COL22A1: variants seen among roughly 807,000 people sequenced by gnomAD.
COL22A1 encodes collagen alpha-1(XXII) chain.
In COL22A1, 221 loss-of-function variants were observed where a neutral mutation model predicts 248.9. The observed-to-expected ratio is 0.89, with a 90% CI of 0.80 to 0.99. The LOEUF is 0.99. Among genes scored for constraint, COL22A1 ranks in the 50% least tolerant of loss-of-function variants. COL22A1 has a pLI of 0.00. For missense variants in COL22A1, 2,240 were observed against 2,179.0 expected (o/e 1.03, Z -0.56); for synonymous variants, 891 against 793.4 (o/e 1.12, Z -2.07).
chr8:138,698,014 C>A (rs139235820), intron 32 of COL22A1, among the ~76,000 whole-genome samples: 2 of 152,182 alleles, frequency 1.3e-5, no homozygotes, highest in Non-Finnish European at 2.9e-5. Flanking sequence ...AGGTGGAGGG[C>A]GGCACAGGCC....
At chr8:138,761,572 A>C (rs1172774259) in intron 17 of COL22A1, among the ~76,000 whole-genome samples, 1 of 147,400 alleles carries the variant, frequency 6.8e-6, no homozygotes, top group Non-Finnish European at 1.5e-5. Context: ...TTGACATTTA[A>C]TATAATTAAC....
intron 45 of COL22A1, among the ~76,000 whole-genome samples, chr8:138,654,026 T>A (rs1822990576): frequency 6.6e-6 from 1 of 152,216 alleles, no homozygotes; most frequent in Non-Finnish European, 1.5e-5. Flanking sequence ...GCTGTATCCT[T>A]TCATAGTGAG....
chr8:138,603,576 C>A (rs565945311), intron 59 of COL22A1, among the ~76,000 whole-genome samples: 71 of 152,212 alleles, frequency 4.7e-4, no homozygotes, highest in African/African-American at 1.6e-3. Flanking sequence ...AAAGAGAATT[C>A]GTGTAGGCAG....
intron 22 of COL22A1, among the ~76,000 whole-genome samples, chr8:138,742,126 A>G (rs111063656): frequency 0.28 from 34,903 of 122,616 alleles, 5,276 homozygotes; most frequent in African/African-American, 0.47. Context: ...TGGAGTTGAT[A>G]GTGATGGTGG....
chr8:138,773,879 C>T (rs1032571423), intron 16 of COL22A1, among the ~76,000 whole-genome samples: 1 of 152,208 alleles, frequency 6.6e-6, no homozygotes, highest in African/African-American at 2.4e-5. Flanking sequence ...TCTCAAGCTT[C>T]CTCTGGCTTC....
Position 138,778,427 on chromosome 8 carries a change from A to C in COL22A1, c.1705-21T>G. The C allele has an allele frequency of 1.1e-5, 17 of 1,569,508 alleles. No individual in the cohort carries two copies. The East Asian group carries it at 1.1e-4, about 10-fold the overall frequency. On this transcript the variant is annotated intron_variant, in intron 14 of 64. Transcript: ENST00000303045. ...GGCCCCTGCAGAAGAGCATTTACAG[A>C]GTAAAGTTTCAGGGATGGAAAAGAA...
rs2131916037 is a variant in COL22A1 at position 138,616,963 on chromosome 8, A to G, written c.3826-5T>C. On this transcript the variant is annotated splice_region_variant and splice_polypyrimidine_tract_variant and intron_variant, in intron 53 of 64. Transcript: ENST00000303045. ...GCCTGTGTGTCCCTTGAAGCCCTAGAAGGAAGAGAATGGAGTTATTCCATG... is the reference window on the plus strand; with the variant it reads ...GCCTGTGTGTCCCTTGAAGCCCTAGGAGGAAGAGAATGGAGTTATTCCATG... 1 of 1,614,114 alleles carries G rather than the reference A, an allele frequency of 6.2e-7. No individual in the cohort carries two copies. The highest frequency in any genetic ancestry group is 1.7e-5 in the Admixed American group (1 of 60,022).
intron 56 of COL22A1, among the ~76,000 whole-genome samples, chr8:138,609,116 G>A (rs774192514): frequency 3.3e-5 from 5 of 152,206 alleles, no homozygotes; most frequent in Non-Finnish European, 7.3e-5. Context: ...GATGCTGACC[G>A]GGCACTTCCT....
intron 43 of COL22A1, 135 bp downstream of exon 43, chr8:138,661,895 G>A: frequency 1.8e-6 from 1 of 562,236 alleles, no homozygotes; most frequent in Non-Finnish European, 3.2e-6. Context: ...GCATGTCCAT[G>A]GGGCTTCCTG....
intron 3 of COL22A1, among the ~76,000 whole-genome samples, chr8:138,868,228 G>A (rs536919325): frequency 6.6e-6 from 1 of 152,158 alleles, no homozygotes; most frequent in Admixed American, 6.5e-5. Flanking sequence ...TCCAATCCCA[G>A]GCCTTCCCTG....
At chr8:138,724,440 G>T (rs767905452) in intron 25 of COL22A1, among the ~76,000 whole-genome samples, 175 bp downstream of exon 25, 1 of 152,174 alleles carries the variant, frequency 6.6e-6, no homozygotes, top group Non-Finnish European at 1.5e-5. Flanking sequence ...GCACTAGCAC[G>T]AGTGAGCCAC....
intron 16 of COL22A1, among the ~76,000 whole-genome samples, chr8:138,774,300 AT>A (rs1310151784): frequency 6.6e-6 from 1 of 152,152 alleles, no homozygotes; most frequent in Non-Finnish European, 1.5e-5. Context: ...CCACAGACAG[AT>A]TCATTTGCTT....
chr8:138,742,622 G>T (rs545030267), intron 22 of COL22A1, among the ~76,000 whole-genome samples: 1 of 151,962 alleles, frequency 6.6e-6, no homozygotes, highest in African/African-American at 2.4e-5. Context: ...GAGGGTGATG[G>T]TGGTAGTGAT....
At chr8:138,791,740 T>C (rs138032925) in intron 12 of COL22A1, among the ~76,000 whole-genome samples, 1 of 152,278 alleles carries the variant, frequency 6.6e-6, no homozygotes, top group Non-Finnish European at 1.5e-5. Context: ...CCTGTCTGGC[T>C]CAGAGACTCA....
chr8:138,786,405 C>G (rs1353118403), intron 12 of COL22A1, among the ~76,000 whole-genome samples: 3 of 152,178 alleles, frequency 2.0e-5, no homozygotes, highest in Non-Finnish European at 4.4e-5. Flanking sequence ...GCAAGTCATC[C>G]TGAGATCCAA....
chr8:138,839,744 CAGG>C (rs1820733824), intron 4 of COL22A1, among the ~76,000 whole-genome samples: 1 of 152,138 alleles, frequency 6.6e-6, no homozygotes, highest in Non-Finnish European at 1.5e-5. Context: ...GAGAGACATC[CAGG>C]ATGTCTGTGG....
rs190414285 is a variant in COL22A1, at chr8:138,673,205, C to A, written c.3150+3353G>T. On this transcript the variant is annotated intron_variant, in intron 41 of 64. Coordinates refer to ENST00000303045, the MANE Select transcript of COL22A1 (RefSeq NM_152888.3). Reference sequence around the variant, plus strand: ...AAGCAAAGAGTAACTTACTTACAGCCGATCTATTTTTTTTTTTTTTTTTTA... The same window carrying A: ...AAGCAAAGAGTAACTTACTTACAGCAGATCTATTTTTTTTTTTTTTTTTTA... Among the ~76,000 whole-genome samples, 25 of 134,160 alleles carry A rather than the reference C, an allele frequency of 1.9e-4. No homozygotes were observed. The South Asian group carries it at 6.1e-3, about 33-fold the overall frequency. 88.0% of individuals were successfully genotyped at this position (134,160 alleles called of 152,430 possible).
At chr8:138,754,708 G>A (rs1832854620) in intron 21 of COL22A1, among the ~76,000 whole-genome samples, 2 of 152,196 alleles carry the variant, frequency 1.3e-5, no homozygotes, top group Admixed American at 1.3e-4. Flanking sequence ...AGCAGGGGGA[G>A]AAACCAGAGG....
chr8:138,657,565 A>G (rs113021221), intron 44 of COL22A1, among the ~76,000 whole-genome samples: 1 of 152,300 alleles, frequency 6.6e-6, no homozygotes, highest in African/African-American at 2.4e-5. Context: ...GCTGTGACTC[A>G]TTTCTGTAAA....
Sources: gnomAD v4.1 joint callset for allele counts (sites outside exome capture counted in the v4.1 genomes callset) on GRCh38, gnomAD v4.1.1 for gene constraint, MANE v1.5 for transcripts, NCBI Gene and HGNC (gene_info 2026-07-23, HGNC 2026-07-21) for gene names.